The following CASR variants were observed in gnomAD, a reference collection of about 807,000 sequenced individuals.
The protein encoded by CASR is calcium sensing receptor.
In CASR, 23 loss-of-function variants were observed where a neutral mutation model predicts 69.1. The observed-to-expected ratio is 0.33, with a 90% CI of 0.24 to 0.47. The LOEUF (loss-of-function observed/expected upper bound fraction) is 0.47, where lower values mean the gene tolerates loss of function less well. Ranked by LOEUF, CASR falls within the 20% of genes least tolerant of loss-of-function variation. The pLI, the probability that CASR is intolerant of heterozygous loss-of-function variation, is 1.00. For synonymous variants in CASR, 541 were observed against 544.7 expected, an observed-to-expected ratio of 0.99 and a Z score of 0.10; for missense variants, 924 against 1,356.1, an observed-to-expected ratio of 0.68 and a Z score of 5.00.
At position 122,200,091 on chromosome 3, in the gene CASR, G is replaced by C. The variant is rs543737807; in HGVS notation, c.-243+16279G>C. ...CCTGGCTAATTTTTTGTATTTAGTA[G>C]AGATGGGGTTTCATCATGTTAGTCA... On this transcript the variant is annotated intron_variant, in intron 1 of 6. Transcript: ENST00000639785. Among the ~76,000 whole-genome samples the C allele has an allele frequency of 4.6e-5, 7 of 152,182 alleles. No individual in the cohort carries two copies. The South Asian group carries it at 1.0e-3, about 23-fold the overall frequency.
chr3:122,274,194 A>G (rs35780859), intron 4 of CASR, among the ~76,000 whole-genome samples: 210 of 152,268 alleles, frequency 1.4e-3, no homozygotes, highest in African/African-American at 4.6e-3. Flanking sequence ...CTGAGTTGAA[A>G]GTCAGGGCAG....
chr3:122,214,741 C>T (rs2074099654), intron 1 of CASR, among the ~76,000 whole-genome samples: 1 of 152,126 alleles, frequency 6.6e-6, no homozygotes, highest in African/African-American at 2.4e-5. Context: ...CTAAGGAGTC[C>T]TTGGACTGAA....
In CASR at chr3:122,229,497, T is replaced by A. The variant is rs541345964; in HGVS notation, c.-242-24451T>A. 3.9e-5 allele frequency among the ~76,000 whole-genome samples: 6 copies of A among 152,052 alleles called. No homozygotes were observed. In the East Asian group the frequency reaches 1.2e-3, roughly 29 times the overall value. ...TGCATAATTTGGCCATATCTTAATG[T>A]TCCAATAAAATGCATCTTTCCAATG... On this transcript the variant is annotated intron_variant, in intron 1 of 6. Transcript: ENST00000639785.
chr3:122,275,085 G>T (rs1414014434), intron 4 of CASR, among the ~76,000 whole-genome samples: 1 of 152,206 alleles, frequency 6.6e-6, no homozygotes, highest in Admixed American at 6.5e-5. Context: ...GTGAGGATTT[G>T]ATTAGATAAT....
intron 1 of CASR, among the ~76,000 whole-genome samples, chr3:122,200,891 G>A (rs916121568): frequency 6.6e-5 from 10 of 151,616 alleles, no homozygotes; most frequent in Admixed American, 5.3e-4. Context: ...CCAAATTGTT[G>A]CGGTTTCAAT....
chr3:122,217,893 G>C (rs1454613851), intron 1 of CASR, among the ~76,000 whole-genome samples: 2 of 152,062 alleles, frequency 1.3e-5, no homozygotes, highest in Non-Finnish European at 2.9e-5. Flanking sequence ...CTATACGTTA[G>C]AAAGATATTG....
intron 1 of CASR, among the ~76,000 whole-genome samples, chr3:122,235,546 A>G (rs1267389795): frequency 1.3e-5 from 2 of 152,252 alleles, no homozygotes; most frequent in African/African-American, 4.8e-5. Context: ...TCCATTCAAA[A>G]TACATTTTTG....
At chr3:122,282,439 A>T (rs2074903560) in intron 6 of CASR, among the ~76,000 whole-genome samples, 1 of 152,252 alleles carries the variant, frequency 6.6e-6, no homozygotes, top group South Asian at 2.1e-4. Flanking sequence ...ACCATAAAAG[A>T]TAACAATACC....
intron 1 of CASR, among the ~76,000 whole-genome samples, chr3:122,215,095 G>A (rs1329658576): frequency 9.9e-5 from 7 of 70,744 alleles, no homozygotes; most frequent in Admixed American, 2.0e-4. Flanking sequence ...AATAACAGAC[G>A]GAGAAAGTCT....
At position 122,286,891 on chromosome 3, in the gene CASR, T is replaced by C. The variant is rs1390268272; in HGVS notation, c.*1700T>C. On this transcript the variant is annotated 3_prime_UTR_variant, in exon 7 of 7. Coordinates refer to ENST00000639785, the MANE Select transcript of CASR (RefSeq NM_000388.4). Reference sequence around the variant, plus strand: ...TTTCTTCCAAAGGGGCGCCTTTCAGTGATTTGTAGGGCAAATTGGTGGACT... The same window carrying C: ...TTTCTTCCAAAGGGGCGCCTTTCAGCGATTTGTAGGGCAAATTGGTGGACT... 1 of 152,244 alleles carries C rather than the reference T, an allele frequency of 6.6e-6. No individual in the cohort carries two copies. The highest frequency in any genetic ancestry group is 1.5e-5 in the Non-Finnish European group (1 of 68,042). The allele number at this position is 152,244 out of a possible 1,614,324, so 9.4% of individuals were successfully genotyped here. A position where few individuals can be genotyped will look rare whatever the true frequency, so the allele number is the denominator to read the frequency against.
chr3:122,261,346 C>G lies in CASR; in HGVS notation c.493-182C>G, dbSNP rs34602453. Among the ~76,000 whole-genome samples, 268 of 152,354 alleles carry G rather than the reference C, an allele frequency of 1.8e-3. 3 individuals carry two copies. The highest frequency in any genetic ancestry group is 5.8e-3 in the African/African-American group (240 of 41,584). ...ACTGAAAGGTGCTTAAGTGCTCACTCTGGAGTGGAACAGATGCTGCTTTTC... is the reference window on the plus strand; with the variant it reads ...ACTGAAAGGTGCTTAAGTGCTCACTGTGGAGTGGAACAGATGCTGCTTTTC... On this transcript the variant is annotated intron_variant, in intron 3 of 6. Transcript: ENST00000639785.
intron 4 of CASR, among the ~76,000 whole-genome samples, chr3:122,265,991 G>A (rs1354446790): frequency 1.3e-5 from 2 of 152,108 alleles, no homozygotes; most frequent in Non-Finnish European, 2.9e-5. Flanking sequence ...AGGGAATTGG[G>A]CCTGGATCTT....
At chr3:122,221,065 C>T (rs2074164928) in intron 1 of CASR, among the ~76,000 whole-genome samples, 1 of 152,162 alleles carries the variant, frequency 6.6e-6, no homozygotes, top group South Asian at 2.1e-4. Context: ...CTAATTTCTA[C>T]CCAACAACAC....
chr3:122,238,256 G>A (rs1191786757), intron 1 of CASR, among the ~76,000 whole-genome samples: 2 of 152,196 alleles, frequency 1.3e-5, no homozygotes, highest in Admixed American at 6.5e-5. Flanking sequence ...TGGGGAAGGA[G>A]AGCACAGCGA....
chr3:122,215,890 G>T (rs2074112737), intron 1 of CASR, among the ~76,000 whole-genome samples: 1 of 152,174 alleles, frequency 6.6e-6, no homozygotes, highest in Non-Finnish European at 1.5e-5. Flanking sequence ...AGGTGCATGA[G>T]GTTGCAGAAG....
intron 1 of CASR, among the ~76,000 whole-genome samples, chr3:122,196,785 C>A (rs1314702995): frequency 1.3e-5 from 2 of 152,090 alleles, no homozygotes; most frequent in Non-Finnish European, 2.9e-5. Context: ...AAATTGTCTG[C>A]ATGTTGTCCC....
intron 1 of CASR, among the ~76,000 whole-genome samples, chr3:122,208,894 T>G (rs2074034539): frequency 6.6e-6 from 1 of 152,130 alleles, no homozygotes; most frequent in African/African-American, 2.4e-5. Flanking sequence ...TTATTTAGGC[T>G]AACGTAGTGG....
intron 1 of CASR, among the ~76,000 whole-genome samples, chr3:122,250,262 C>T (rs2074470346): frequency 6.6e-6 from 1 of 152,020 alleles, no homozygotes; most frequent in African/African-American, 2.4e-5. Flanking sequence ...AAATTCGACC[C>T]TGACAACTGA....
intron 1 of CASR, among the ~76,000 whole-genome samples, chr3:122,253,269 T>C (rs992395667): frequency 6.6e-6 from 1 of 152,270 alleles, no homozygotes; most frequent in South Asian, 2.1e-4. Flanking sequence ...GAGACAGAGT[T>C]TCACTCTTGT....
Sources: allele counts gnomAD v4.1 joint callset (sites outside exome capture counted in the v4.1 genomes callset), GRCh38; gene constraint gnomAD v4.1.1; transcripts MANE v1.5; gene names NCBI Gene and HGNC (gene_info 2026-07-23, HGNC 2026-07-21).